CNTN4: variants seen among roughly 807,000 people sequenced by gnomAD.
The protein encoded by CNTN4 is contactin-4.
Under a neutral mutation model 122.5 loss-of-function variants are expected in CNTN4, and 77 were observed. The observed-to-expected ratio is 0.63, with a 90% confidence interval of 0.52 to 0.76. The LOEUF is 0.76. Among genes scored for constraint, CNTN4 ranks in the 30% least tolerant of loss-of-function variants. The pLI, the probability that CNTN4 is intolerant of heterozygous loss-of-function variation, is 0.00. For synonymous variants in CNTN4, 512 were observed against 447.0 expected (o/e 1.15, Z -1.83); for missense variants, 1,256 against 1,259.1 (o/e 1.00, Z 0.04).
At chr3:2,754,778 A>G (rs942559081) in intron 6 of CNTN4, among the ~76,000 whole-genome samples, 3 of 152,122 alleles carry the variant, frequency 2.0e-5, no homozygotes, top group African/African-American at 7.2e-5. Flanking sequence ...AAATTTTAAA[A>G]AGAGAGTAAT....
At chr3:2,769,146 T>G (rs1038786912) in intron 6 of CNTN4, among the ~76,000 whole-genome samples, 1 of 152,048 alleles carries the variant, frequency 6.6e-6, no homozygotes, top group Non-Finnish European at 1.5e-5. Flanking sequence ...TTTCCACCAG[T>G]CTACGCAAAT....
At chr3:2,594,416 C>CTTT (rs36010353) in intron 4 of CNTN4, among the ~76,000 whole-genome samples, 1 of 103,578 alleles carries the variant, frequency 9.7e-6, no homozygotes, top group Non-Finnish European at 2.0e-5. Context: ...TAAAATGGAT[C>CTTT]TTTTTTTTTT....
intron 2 of CNTN4, among the ~76,000 whole-genome samples, chr3:2,258,877 C>T (rs1382611532): frequency 6.6e-6 from 1 of 151,954 alleles, no homozygotes; most frequent in Non-Finnish European, 1.5e-5. Context: ...CCATCTTGTC[C>T]ACCAGTGTTT....
intron 3 of CNTN4, among the ~76,000 whole-genome samples, chr3:2,386,819 T>C (rs1193703991): frequency 6.6e-6 from 1 of 152,150 alleles, no homozygotes; most frequent in Non-Finnish European, 1.5e-5. Context: ...TAGTGATAAA[T>C]TGAGAAATGC....
At chr3:2,220,839 G>T (rs2039035112) in intron 2 of CNTN4, among the ~76,000 whole-genome samples, 1 of 151,928 alleles carries the variant, frequency 6.6e-6, no homozygotes, top group Non-Finnish European at 1.5e-5. Context: ...ATACATCTTA[G>T]GTATCCAAGG....
chr3:2,899,923 G>A (rs1281677879), intron 10 of CNTN4, among the ~76,000 whole-genome samples: 1 of 152,116 alleles, frequency 6.6e-6, no homozygotes, highest in African/African-American at 2.4e-5. Flanking sequence ...TATACAACAT[G>A]TGGGAGTGAA....
At chr3:2,592,813 CAAAT>C (rs1208387511) in intron 4 of CNTN4, among the ~76,000 whole-genome samples, 2 of 152,174 alleles carry the variant, frequency 1.3e-5, no homozygotes, top group African/African-American at 4.8e-5. Flanking sequence ...GGGTTGGTAA[CAAAT>C]AAACCATTTA....
At position 3,030,677 on chromosome 3, in the gene CNTN4, C is replaced by T. The variant is rs41419845; in HGVS notation, c.1663-178C>T. 0.09 allele frequency among the ~76,000 whole-genome samples: 13,764 copies of T among 152,206 alleles called. 718 individuals carry two copies. Among genetic ancestry groups the T allele is most frequent in the Admixed American group, 0.11 (1,686 of 15,284 alleles). ...TCTTGTCGAAGATGTGTTCTGAAAA[C>T]GTCGGTGTTCCCATCTCTCAGGCAG... On this transcript the variant is annotated intron_variant, in intron 15 of 24. Transcript: ENST00000418658.
chr3:2,715,942 C>T (rs926195403), intron 4 of CNTN4, among the ~76,000 whole-genome samples: 2 of 152,050 alleles, frequency 1.3e-5, no homozygotes, highest in Admixed American at 6.6e-5. Context: ...CACAGCCATC[C>T]CCATTACATG....
chr3:2,443,390 G>C (rs2048508404), intron 3 of CNTN4, among the ~76,000 whole-genome samples: 1 of 152,108 alleles, frequency 6.6e-6, no homozygotes, highest in Admixed American at 6.6e-5. Context: ...CAGGATACCT[G>C]AATTTTCTTC....
rs576942383 is a variant in CNTN4, at chr3:2,506,816, G to A, written c.-88-64600G>A. Among the ~76,000 whole-genome samples the A allele has an allele frequency of 3.3e-5, 5 of 152,264 alleles. No homozygotes were observed. The East Asian group carries it at 5.8e-4, about 18-fold the overall frequency. ...ATTTCGAGGTGGGAGACGGGAGAGGGAGTGCAAGAGAGGCTGGAATGAGAT... is the reference window on the plus strand; with the variant it reads ...ATTTCGAGGTGGGAGACGGGAGAGGAAGTGCAAGAGAGGCTGGAATGAGAT... On this transcript the variant is annotated intron_variant, in intron 3 of 24. Coordinates refer to ENST00000418658, the MANE Select transcript of CNTN4 (RefSeq NM_175607.3).
intron 3 of CNTN4, among the ~76,000 whole-genome samples, chr3:2,538,972 A>G (rs1031936494): frequency 2.0e-5 from 3 of 151,982 alleles, no homozygotes; most frequent in African/African-American, 4.8e-5. Context: ...CATCAAATAT[A>G]TATGCTCAAA....
intron 4 of CNTN4, among the ~76,000 whole-genome samples, chr3:2,604,510 G>C (rs757176489): frequency 5.9e-5 from 9 of 151,986 alleles, no homozygotes; most frequent in Admixed American, 6.6e-5. Context: ...TATTTCAGTT[G>C]GTAAAAAGTG....
intron 2 of CNTN4, among the ~76,000 whole-genome samples, chr3:2,219,051 T>C (rs2038961883): frequency 6.6e-6 from 1 of 152,170 alleles, no homozygotes; most frequent in Non-Finnish European, 1.5e-5. Context: ...TTGCACATAT[T>C]AGAGAGCTAA....
At chr3:2,259,183 GCT>G (rs1159325182) in intron 2 of CNTN4, among the ~76,000 whole-genome samples, 3 of 151,452 alleles carry the variant, frequency 2.0e-5, no homozygotes, top group Non-Finnish European at 4.4e-5. Flanking sequence ...ACTTGCTTTT[GCT>G]CATAAGCCTA....
At chr3:2,728,966 G>A (rs1299506362) in intron 4 of CNTN4, among the ~76,000 whole-genome samples, 1 of 152,164 alleles carries the variant, frequency 6.6e-6, no homozygotes, top group Non-Finnish European at 1.5e-5. Context: ...CCTGCCATTA[G>A]GATTAAGGGC....
chr3:2,273,314 A>T (rs944280477), intron 2 of CNTN4, among the ~76,000 whole-genome samples: 1 of 152,190 alleles, frequency 6.6e-6, no homozygotes, highest in Non-Finnish European at 1.5e-5. Context: ...GACTCTCAGG[A>T]TTCCCTTCAG....
At chr3:2,848,885 T>C (rs1482771914) in intron 7 of CNTN4, among the ~76,000 whole-genome samples, 3 of 152,216 alleles carry the variant, frequency 2.0e-5, no homozygotes, top group African/African-American at 7.2e-5. Context: ...CATAGGTCTA[T>C]TCCTGGAGCC....
chr3:2,318,662 G>A (rs753753463), intron 2 of CNTN4, among the ~76,000 whole-genome samples: 2 of 152,032 alleles, frequency 1.3e-5, no homozygotes, highest in Non-Finnish European at 2.9e-5. Context: ...TGTGTTGTGT[G>A]TTTTCAGACA....
Sources: gnomAD v4.1 joint callset for allele counts (sites outside exome capture counted in the v4.1 genomes callset) on GRCh38, gnomAD v4.1.1 for gene constraint, MANE v1.5 for transcripts, NCBI Gene and HGNC (gene_info 2026-07-23, HGNC 2026-07-21) for gene names.